Variants in UBE2G2 observed in about 807,000 individuals in gnomAD.
UBE2G2 encodes the protein ubiquitin-conjugating enzyme E2 G2.
A neutral mutation model predicts 23.0 loss-of-function variants in UBE2G2; 10 were observed. The observed-to-expected ratio is 0.43, with a 90% CI of 0.27 to 0.74. The LOEUF (loss-of-function observed/expected upper bound fraction) is 0.74, where lower values mean the gene tolerates loss of function less well. Ranked by LOEUF, UBE2G2 falls within the 30% of genes least tolerant of loss-of-function variation. UBE2G2 has a pLI of 0.19. For missense variants in UBE2G2, 150 were observed against 218.3 expected, an observed-to-expected ratio of 0.69 and a Z score of 1.97; for synonymous variants, 86 against 81.3, an observed-to-expected ratio of 1.06 and a Z score of -0.31.
intron 1 of UBE2G2, among the ~76,000 whole-genome samples, chr21:44,796,283 C>T (rs1212774099): frequency 8.5e-5 from 13 of 152,174 alleles, no homozygotes; most frequent in African/African-American, 3.1e-4. Flanking sequence ...TGCTCAATTC[C>T]ATAAAATCTG....
chr21:44,778,711 G>A (rs570168973), intron 3 of UBE2G2, among the ~76,000 whole-genome samples: 4 of 152,322 alleles, frequency 2.6e-5, no homozygotes, highest in Admixed American at 6.5e-5. Context: ...GGCAGACAAC[G>A]AAACAGTGGA....
intron 3 of UBE2G2, among the ~76,000 whole-genome samples, chr21:44,786,017 C>T (rs1037508583): frequency 1.3e-5 from 2 of 152,182 alleles, no homozygotes; most frequent in African/African-American, 4.8e-5. Flanking sequence ...TTTAAAACCA[C>T]ACTGGACGGC....
At position 44,771,365 on chromosome 21, in the gene UBE2G2, C is replaced by A. The variant is rs78227833; in HGVS notation, c.*12G>T. On this transcript the variant is annotated 3_prime_UTR_variant, in exon 6 of 6. Coordinates refer to ENST00000345496, the MANE Select transcript of UBE2G2 (RefSeq NM_003343.6). The surrounding 1 kb of genome is among the most constrained non-coding windows in gnomAD (Gnocchi z 4.6). ...GCTTGGCGGTGTGTGCGCGCCTGTG[C>A]GAGGCCAGGTCTCACAGTCCCAGAG... is the stretch of plus-strand genomic sequence containing the variant. The A allele has an allele frequency of 6.2e-7, 1 of 1,609,988 alleles. No homozygotes were observed. Among genetic ancestry groups the A allele is most frequent in the South Asian group, 1.1e-5 (1 of 91,044 alleles).
At chr21:44,788,889 A>G (rs1555962526) in intron 1 of UBE2G2, among the ~76,000 whole-genome samples, 1 of 152,050 alleles carries the variant, frequency 6.6e-6, no homozygotes, top group African/African-American at 2.4e-5. Context: ...AAATAAATAT[A>G]AGGTATAAGG....
intron 3 of UBE2G2, among the ~76,000 whole-genome samples, chr21:44,786,548 A>G (rs144008602): frequency 2.0e-5 from 3 of 152,344 alleles, no homozygotes; most frequent in Admixed American, 6.5e-5. Context: ...TTTCATATCA[A>G]TTTAACCTCC....
chr21:44,801,615 C>T, intron 1 of UBE2G2, 91 bp downstream of exon 1: 1 of 1,414,972 alleles, frequency 7.1e-7, no homozygotes, highest in Non-Finnish European at 9.2e-7. Flanking sequence ...CCGGCTCCCC[C>T]GCCAGGCTCC....
At chr21:44,790,183 T>C (rs1555962754) in intron 1 of UBE2G2, among the ~76,000 whole-genome samples, 2 of 152,198 alleles carry the variant, frequency 1.3e-5, no homozygotes, top group African/African-American at 2.4e-5. Flanking sequence ...CACAAAAGAA[T>C]GGCCAAAATT....
At chr21:44,788,287 G>GTT (rs71326069) in intron 1 of UBE2G2, among the ~76,000 whole-genome samples, 192 bp from the exon 2 acceptor site, 2,035 of 135,376 alleles carry the variant, frequency 0.015, 146 homozygotes, top group South Asian at 0.12. Context: ...AAGTTTTTTT[G>GTT]TTTTTTTTTT....
At position 44,770,434 on chromosome 21, in the gene UBE2G2, T is replaced by C. The variant is rs1358776411; in HGVS notation, c.*943A>G. ...TCAGCAATAAATTTCTTTTTTCTTTTTGAGACTGAGTCTCGCTCTGTTGCC... is the reference window on the plus strand; with the variant it reads ...TCAGCAATAAATTTCTTTTTTCTTTCTGAGACTGAGTCTCGCTCTGTTGCC... On this transcript the variant is annotated 3_prime_UTR_variant, in exon 6 of 6. Transcript: ENST00000345496. 8 of 152,252 alleles carry C rather than the reference T, an allele frequency of 5.3e-5. No homozygotes were observed. Among genetic ancestry groups the C allele is most frequent in the African/African-American group, 1.9e-4 (8 of 41,458 alleles). The allele number at this position is 152,252 out of a possible 1,614,324, so 9.4% of individuals were successfully genotyped here.
At chr21:44,791,367 T>G (rs1170037552) in intron 1 of UBE2G2, among the ~76,000 whole-genome samples, 2 of 152,024 alleles carry the variant, frequency 1.3e-5, no homozygotes, top group African/African-American at 4.8e-5. Context: ...AAAATGGTTT[T>G]GTGGGCCAGG....
chr21:44,777,179 A>G, intron 4 of UBE2G2, 120 bp downstream of exon 4: 1 of 855,960 alleles, frequency 1.2e-6, no homozygotes, highest in South Asian at 1.7e-5. Flanking sequence ...TCAAAACATA[A>G]GAAGTGTTTT....
intron 1 of UBE2G2, among the ~76,000 whole-genome samples, chr21:44,794,992 G>A (rs542918170): frequency 1.3e-5 from 2 of 152,280 alleles, no homozygotes; most frequent in East Asian, 3.9e-4. Context: ...TAAGGGCCGG[G>A]GGCTGTGGCT....
In UBE2G2 at chr21:44,772,544, C is replaced by T. The variant is rs1286353518; in HGVS notation, c.385+1003G>A. Among the ~76,000 whole-genome samples, 1 of 152,092 alleles carries T rather than the reference C, an allele frequency of 6.6e-6. No individual in the cohort carries two copies. The highest frequency in any genetic ancestry group is 1.5e-5 in the Non-Finnish European group (1 of 68,008). On this transcript the variant is annotated intron_variant, in intron 5 of 5. Transcript: ENST00000345496. The surrounding 1 kb of genome is among the most constrained non-coding windows in gnomAD (Gnocchi z 5.4). ...CCCTCCCTGCTATGCTGTCACCCTCCGTCCTACTCCATCACCTACTGCCTC... is the reference window on the plus strand; with the variant it reads ...CCCTCCCTGCTATGCTGTCACCCTCTGTCCTACTCCATCACCTACTGCCTC...
Position 44,770,269 on chromosome 21 carries a change from T to G in UBE2G2, c.*1108A>C, listed in dbSNP as rs1231497066. On this transcript the variant is annotated 3_prime_UTR_variant, in exon 6 of 6. Transcript: ENST00000345496. ...AGTTTTTAGATTGAAAAAAAAAAAT[T>G]TTTTCTGTAGATCCAGAAGAAACTT... 1 of 152,196 alleles carries G rather than the reference T, an allele frequency of 6.6e-6. No homozygotes were observed. Among genetic ancestry groups the G allele is most frequent in the East Asian group, 1.9e-4 (1 of 5,190 alleles). 9.4% of individuals were successfully genotyped at this position (152,196 alleles called of 1,614,324 possible). A position where few individuals can be genotyped will look rare whatever the true frequency, so the allele number is the denominator to read the frequency against.
At chr21:44,797,576 A>G (rs1254288434) in intron 1 of UBE2G2, among the ~76,000 whole-genome samples, 1 of 151,776 alleles carries the variant, frequency 6.6e-6, no homozygotes, top group African/African-American at 2.4e-5. Context: ...TTAGCCGGGC[A>G]TGGTGGCGCG....
chr21:44,796,995 G>A (rs1391914171), intron 1 of UBE2G2, among the ~76,000 whole-genome samples: 3 of 152,104 alleles, frequency 2.0e-5, no homozygotes, highest in Non-Finnish European at 2.9e-5. Flanking sequence ...GATCCTTCAC[G>A]GTAATCCAGA....
At chr21:44,773,744 C>G in intron 4 of UBE2G2, 57 bp from the exon 5 acceptor site, 1 of 1,585,304 alleles carries the variant, frequency 6.3e-7, no homozygotes, top group Admixed American at 1.7e-5. Flanking sequence ...GGCATCGCCG[C>G]GCTTGGGCAG....
chr21:44,790,495 TGAG>T (rs1471881270), intron 1 of UBE2G2, among the ~76,000 whole-genome samples: 2 of 152,220 alleles, frequency 1.3e-5, no homozygotes, highest in Non-Finnish European at 2.9e-5. Flanking sequence ...CTCCAGGTGT[TGAG>T]GGAGGAACCT....
In UBE2G2 at chr21:44,790,071, G is replaced by A. The variant is rs76097748; in HGVS notation, c.44-1976C>T. Among the ~76,000 whole-genome samples, 483 of 152,278 alleles carry A rather than the reference G, an allele frequency of 3.2e-3. 2 individuals are homozygous for A. Among genetic ancestry groups the A allele is most frequent in the Non-Finnish European group, 3.7e-3 (250 of 68,012 alleles). ...ACTGACTAAAACAGATGGCTAATAA[G>A]CACATGAGAAAATGCTCAACATTGT... is the stretch of plus-strand genomic sequence containing the variant. On this transcript the variant is annotated intron_variant, in intron 1 of 5. Coordinates refer to ENST00000345496, the MANE Select transcript of UBE2G2 (RefSeq NM_003343.6).
Sources: gnomAD v4.1 joint callset for allele counts (sites outside exome capture counted in the v4.1 genomes callset) on GRCh38, gnomAD v4.1.1 for gene constraint, Gnocchi (gnomAD v3.1) non-coding constraint, MANE v1.5 for transcripts, NCBI Gene and HGNC (gene_info 2026-07-23, HGNC 2026-07-21) for gene names.